The following SMCO2 variants were observed in gnomAD, a reference collection of about 807,000 sequenced individuals.
SMCO2 encodes single-pass membrane protein with coiled-coil domains 2.
In SMCO2, 25 loss-of-function variants were observed where a neutral mutation model predicts 29.5. The observed-to-expected ratio is 0.85, with a 90% CI of 0.62 to 1.18. SMCO2 has a LOEUF of 1.18. SMCO2 is among the 50% of genes most tolerant of loss of function. The probability of loss-of-function intolerance (pLI) is 0.00; values close to 1 mark genes in which losing one functional copy is unlikely to be tolerated. For missense variants in SMCO2, 348 were observed against 344.5 expected, an observed-to-expected ratio of 1.01 and a Z score of -0.08; for synonymous variants, 117 against 123.3, an observed-to-expected ratio of 0.95 and a Z score of 0.34.
the SMCO2 span, chr12:27,423,887 A>G: frequency 6.6e-6 from 1 of 152,218 alleles, no homozygotes; most frequent in Non-Finnish European, 1.5e-5. Flanking sequence ...TGTCCAGTGC[A>G]GTAGCCACTA....
chr12:27,463,169 T>C (rs145597047), upstream of SMCO2, among the ~76,000 whole-genome samples: 7 of 152,366 alleles, frequency 4.6e-5, no homozygotes, highest in East Asian at 1.4e-3. Flanking sequence ...AAGATGCGAC[T>C]ATGAGGATGC....
intron 7 of SMCO2, among the ~76,000 whole-genome samples, chr12:27,500,386 A>G (rs916999213): frequency 4.0e-5 from 6 of 150,608 alleles, no homozygotes; most frequent in African/African-American, 1.5e-4. Flanking sequence ...AAGACAAAAT[A>G]AAAAGAATGA....
chr12:27,475,674 C>T (rs117144045), intron 4 of SMCO2: 22,973 of 1,547,204 alleles, frequency 0.015, 208 homozygotes, highest in Non-Finnish European at 0.017. Flanking sequence ...ATAGACGGAA[C>T]GGAGAAAATT....
At chr12:27,453,389 C>T in the SMCO2 span, among the ~76,000 whole-genome samples, 1 of 152,216 alleles carries the variant, frequency 6.6e-6, no homozygotes, top group Non-Finnish European at 1.5e-5. Context: ...GCTGTGTCCA[C>T]AGCTCTGAAA....
At chr12:27,498,412 T>G in intron 7 of SMCO2, 1 of 216,666 alleles carries the variant, frequency 4.6e-6, no homozygotes, top group South Asian at 8.6e-5. Flanking sequence ...TGGTTCTATA[T>G]ATGAGCTGGC....
chr12:27,477,216 T>G (rs961410435), intron 4 of SMCO2, among the ~76,000 whole-genome samples: 2 of 101,124 alleles, frequency 2.0e-5, no homozygotes, highest in African/African-American at 7.2e-5. Context: ...TCAGGTTTTT[T>G]TTTTTTTTTT....
chr12:27,451,516 T>G, the SMCO2 span, among the ~76,000 whole-genome samples: 6 of 152,226 alleles, frequency 3.9e-5, no homozygotes, highest in African/African-American at 7.2e-5. Context: ...TTACTGTTGA[T>G]GCATTAACAT....
At chr12:27,445,379 A>T in the SMCO2 span, among the ~76,000 whole-genome samples, 2 of 152,216 alleles carry the variant, frequency 1.3e-5, no homozygotes, top group African/African-American at 4.8e-5. Flanking sequence ...AGTATATTCC[A>T]TGCACTATTT....
At chr12:27,433,244 A>G in the SMCO2 span, among the ~76,000 whole-genome samples, 18 of 152,216 alleles carry the variant, frequency 1.2e-4, no homozygotes, top group Admixed American at 1.2e-3. Flanking sequence ...ATTCTCTTTT[A>G]TCACTAGATT....
chr12:27,452,371 A>G, the SMCO2 span, among the ~76,000 whole-genome samples: 11 of 152,282 alleles, frequency 7.2e-5, no homozygotes, highest in East Asian at 2.1e-3. Flanking sequence ...CTGAGTCTCC[A>G]TGGTCTATCT....
the SMCO2 span, among the ~76,000 whole-genome samples, chr12:27,452,904 G>A: frequency 5.9e-5 from 9 of 152,140 alleles, no homozygotes; most frequent in Non-Finnish European, 1.2e-4. Flanking sequence ...ACATCACTAA[G>A]GGACCACCTA....
At chr12:27,426,659 C>G in the SMCO2 span, among the ~76,000 whole-genome samples, 1 of 152,090 alleles carries the variant, frequency 6.6e-6, no homozygotes, top group Non-Finnish European at 1.5e-5. Flanking sequence ...TATAGAGAAG[C>G]TTCATCATTA....
chr12:27,495,657 A>G, intron 6 of SMCO2, 23 bp from the exon 8 acceptor site: 1 of 1,444,576 alleles, frequency 6.9e-7, no homozygotes, highest in Middle Eastern at 1.8e-4. Context: ...TTTTTAAGGT[A>G]CTTGATTACT....
intron 7 of SMCO2, chr12:27,497,189 G>A (rs1259085601): frequency 2.6e-5 from 4 of 153,974 alleles, no homozygotes; most frequent in Non-Finnish European, 5.9e-5. Flanking sequence ...TAAGAAATGA[G>A]CATATCAGTG....
chr12:27,474,933 A>G lies in SMCO2; in HGVS notation c.362+20A>G. The stretch of plus-strand genomic sequence containing the variant: ...TGAACTGTAAGTCTTGACACATGCA[A>G]GACAGAGCATTTAATAATGTGTGGA... On this transcript the variant is annotated intron_variant, in intron 4 of 7. Transcript: ENST00000298876. 6.5e-7 allele frequency: 1 copy of G among 1,548,408 alleles called. No individual in the cohort carries two copies. The highest frequency in any genetic ancestry group is 8.7e-7 in the Non-Finnish European group (1 of 1,145,580).
the SMCO2 span, among the ~76,000 whole-genome samples, chr12:27,451,979 T>A: frequency 2.0e-5 from 3 of 152,210 alleles, no homozygotes. Flanking sequence ...CTGCAGGGAA[T>A]ATCTGTGAAC....
At chr12:27,495,840 C>T in exon 7 of SMCO2, 2 of 1,513,386 alleles carry the variant, frequency 1.3e-6, no homozygotes, top group Middle Eastern at 1.7e-4. Context: ...AAGTCTCCTC[C>T]CCGCAATACA....
chr12:27,432,752 A>G, the SMCO2 span, among the ~76,000 whole-genome samples: 1 of 152,176 alleles, frequency 6.6e-6, no homozygotes, highest in Non-Finnish European at 1.5e-5. Context: ...GTCTTCAAAA[A>G]CACTTCCAAA....
At chr12:27,437,448 GT>G in the SMCO2 span, among the ~76,000 whole-genome samples, 6 of 148,442 alleles carry the variant, frequency 4.0e-5, no homozygotes, top group Middle Eastern at 6.9e-3. Context: ...GCAATTTTGG[GT>G]TTTTTTTTTA....
Sources: allele counts gnomAD v4.1 joint callset (sites outside exome capture counted in the v4.1 genomes callset), GRCh38; gene constraint gnomAD v4.1.1; transcripts MANE v1.5; gene names NCBI Gene and HGNC (gene_info 2026-07-23, HGNC 2026-07-21).